The following GABRR3 variants were observed in gnomAD, a reference collection of about 807,000 sequenced individuals.
GABRR3 encodes gamma-aminobutyric acid type A receptor subunit rho3.
Under a neutral mutation model 43.2 loss-of-function variants are expected in GABRR3, and 29 were observed. That is an observed-to-expected ratio of 0.67 (90% CI 0.50 to 0.92). GABRR3 has a LOEUF of 0.92. GABRR3 is among the 40% of genes least tolerant of loss of function. GABRR3 has a pLI of 0.00. For synonymous variants in GABRR3, 206 were observed against 195.9 expected (o/e 1.05, Z -0.43); for missense variants, 576 against 572.3 (o/e 1.01, Z -0.07).
intron 4 of GABRR3, among the ~76,000 whole-genome samples, chr3:98,016,450 C>T (rs892135588): frequency 2.0e-5 from 3 of 152,078 alleles, no homozygotes; most frequent in Admixed American, 1.3e-4. Flanking sequence ...CTTCCTGAGG[C>T]CCTCACCAGG....
chr3:98,034,690 G>A (rs773361827), intron 2 of GABRR3, 173 bp downstream of exon 2: 22 of 297,568 alleles, frequency 7.4e-5, no homozygotes, highest in African/African-American at 1.1e-4. Flanking sequence ...TTGCTCTTTC[G>A]GATGTCAAAC....
chr3:98,017,846 C>A, intron 3 of GABRR3, 124 bp from the exon 4 acceptor site: 1 of 614,164 alleles, frequency 1.6e-6, no homozygotes, highest in East Asian at 2.9e-5. Context: ...TTTTAAACAA[C>A]AAATTTCTCC....
chr3:98,022,865 C>T (rs1384520583), intron 3 of GABRR3, among the ~76,000 whole-genome samples: 1 of 152,080 alleles, frequency 6.6e-6, no homozygotes. Context: ...TAAAAAAATG[C>T]ATTTTCATTT....
chr3:98,023,691 G>C (rs1706979231), intron 3 of GABRR3, among the ~76,000 whole-genome samples: 2 of 145,960 alleles, frequency 1.4e-5, no homozygotes. Flanking sequence ...AAGAAAAAAA[G>C]AGACATATTT....
intron 5 of GABRR3, among the ~76,000 whole-genome samples, chr3:98,011,886 A>G (rs1706796845): frequency 6.6e-6 from 1 of 152,252 alleles, no homozygotes; most frequent in African/African-American, 2.4e-5. Context: ...ACATTTTAAA[A>G]TTAAAAGAAA....
chr3:98,002,570 T>A (rs1706664326), intron 7 of GABRR3, among the ~76,000 whole-genome samples: 1 of 152,176 alleles, frequency 6.6e-6, no homozygotes, highest in South Asian at 2.1e-4. Context: ...TAATACCTTA[T>A]CCTTGTTTTT....
intron 9 of GABRR3, among the ~76,000 whole-genome samples, chr3:97,991,788 G>C (rs1706471445): frequency 6.6e-6 from 1 of 152,150 alleles, no homozygotes; most frequent in Non-Finnish European, 1.5e-5. Flanking sequence ...GAAAGTATGA[G>C]ATGCTCTCAG....
intron 6 of GABRR3, 26 bp from the exon 7 acceptor site, chr3:98,007,930 T>C: frequency 6.5e-7 from 1 of 1,530,154 alleles, no homozygotes; most frequent in Non-Finnish European, 8.8e-7. Flanking sequence ...ATCAGTCTTG[T>C]AAGTGTAATA....
chr3:97,989,907 A>G (rs1706439805), intron 9 of GABRR3, among the ~76,000 whole-genome samples: 1 of 152,144 alleles, frequency 6.6e-6, no homozygotes, highest in Non-Finnish European at 1.5e-5. Flanking sequence ...AACAAAGGTG[A>G]CATTGTTATA....
exon 10 of GABRR3, chr3:97,986,948 G>T: frequency 6.2e-7 from 1 of 1,609,394 alleles, no homozygotes; most frequent in Non-Finnish European, 8.5e-7. Flanking sequence ...AAAGGCCATA[G>T]CTTGAACTGC....
chr3:97,998,269 T>C (rs1027187144), intron 8 of GABRR3: 10 of 152,358 alleles, frequency 6.6e-5, no homozygotes, highest in African/African-American at 2.4e-4. Flanking sequence ...GGGATTTTGA[T>C]CTTTCAGGAT....
At chr3:98,020,111 T>C (rs553106521) in intron 3 of GABRR3, among the ~76,000 whole-genome samples, 1 of 152,098 alleles carries the variant, frequency 6.6e-6, no homozygotes, top group South Asian at 2.1e-4. Context: ...GAAGAAAAAA[T>C]TTGAAAAGGT....
intron 9 of GABRR3, among the ~76,000 whole-genome samples, chr3:97,990,304 C>T (rs1180121318): frequency 1.3e-5 from 2 of 151,478 alleles, no homozygotes; most frequent in East Asian, 1.9e-4. Context: ...ACCTGGAACA[C>T]GAAGCTGGGA....
At chr3:98,014,127 G>A (rs1417079447) in intron 4 of GABRR3, among the ~76,000 whole-genome samples, 1 of 152,154 alleles carries the variant, frequency 6.6e-6, no homozygotes, top group Non-Finnish European at 1.5e-5. Flanking sequence ...CAATCAGAAA[G>A]CATTTTCAAA....
intron 7 of GABRR3, among the ~76,000 whole-genome samples, chr3:98,005,833 G>A (rs1226253679): frequency 6.6e-6 from 1 of 152,078 alleles, no homozygotes; most frequent in African/African-American, 2.4e-5. Flanking sequence ...CTGTGCATGA[G>A]ACAATTCTTT....
chr3:97,995,480 A>G (rs1336845788), intron 8 of GABRR3, among the ~76,000 whole-genome samples: 1 of 152,162 alleles, frequency 6.6e-6, no homozygotes. Context: ...CGCTATCTAT[A>G]TTTGCCAGAA....
chr3:98,030,978 C>A (rs1707080104), intron 2 of GABRR3, among the ~76,000 whole-genome samples: 2 of 152,200 alleles, frequency 1.3e-5, no homozygotes, highest in Non-Finnish European at 2.9e-5. Flanking sequence ...AGAAAACCTT[C>A]ATAATTCTTG....
intron 9 of GABRR3, among the ~76,000 whole-genome samples, chr3:97,988,629 ATGG>A (rs540233749): frequency 7.5e-5 from 10 of 132,860 alleles, no homozygotes; most frequent in Middle Eastern, 5.5e-3. Context: ...GTGGTGGTGA[ATGG>A]TGGTGGTGGG....
intron 2 of GABRR3, among the ~76,000 whole-genome samples, chr3:98,027,111 T>C (rs1358634720): frequency 6.6e-6 from 1 of 152,116 alleles, no homozygotes; most frequent in Non-Finnish European, 1.5e-5. Context: ...CTAGAAAAGT[T>C]TTTTCAAGGA....
Sources: gnomAD v4.1 joint callset for allele counts (sites outside exome capture counted in the v4.1 genomes callset) on GRCh38, gnomAD v4.1.1 for gene constraint, MANE v1.5 for transcripts, NCBI Gene and HGNC (gene_info 2026-07-23, HGNC 2026-07-21) for gene names.